The following INSL6 variants were observed in gnomAD, a reference collection of about 807,000 sequenced individuals.
The protein encoded by INSL6 is insulin-like peptide INSL6.
INSL6 carries 16 observed loss-of-function variants against 9.4 expected under a neutral mutation model. The observed-to-expected ratio is 1.70, with a 90% CI of 1.15 to 2.59. The LOEUF is 2.59. INSL6 is among the 30% of genes most tolerant of loss of function. The pLI, the probability that INSL6 is intolerant of heterozygous loss-of-function variation, is 0.00. For synonymous variants in INSL6, 154 were observed against 96.9 expected (o/e 1.59, Z -3.46); for missense variants, 391 against 257.3 (o/e 1.52, Z -3.56).
the INSL6 span, among the ~76,000 whole-genome samples, chr9:5,102,647 T>G: frequency 5.9e-5 from 9 of 152,056 alleles, no homozygotes; most frequent in African/African-American, 2.2e-4. Flanking sequence ...CAGAGAGAAA[T>G]GTCGGGTTGC....
the INSL6 span, chr9:5,055,567 T>C: frequency 1.1e-6 from 1 of 931,476 alleles, no homozygotes; most frequent in Non-Finnish European, 1.6e-6. Flanking sequence ...AATACCTTTT[T>C]TATTTTAAAG....
intron 2 of INSL6, among the ~76,000 whole-genome samples, chr9:5,136,862 T>C (rs1288471204): frequency 6.6e-6 from 1 of 152,148 alleles, no homozygotes; most frequent in Non-Finnish European, 1.5e-5. Flanking sequence ...GATTGTATAT[T>C]TGGAAAACCC....
chr9:5,128,149 T>G (rs1189156539), intron 3 of INSL6: 1 of 232,148 alleles, frequency 4.3e-6, no homozygotes, highest in Non-Finnish European at 8.5e-6. Flanking sequence ...AAATACTTGC[T>G]GTTTTGATTA....
chr9:5,038,869 T>C, the INSL6 span, among the ~76,000 whole-genome samples: 2 of 152,062 alleles, frequency 1.3e-5, no homozygotes, highest in Non-Finnish European at 2.9e-5. Context: ...AATCAATCAA[T>C]GTAATACACC....
chr9:5,007,259 G>C, the INSL6 span, among the ~76,000 whole-genome samples: 1 of 152,006 alleles, frequency 6.6e-6, no homozygotes, highest in Non-Finnish European at 1.5e-5. Context: ...GAATATCTTA[G>C]TATACACTTT....
chr9:5,162,654 G>A (rs561488057), downstream of INSL6, among the ~76,000 whole-genome samples: 3 of 152,258 alleles, frequency 2.0e-5, no homozygotes, highest in Non-Finnish European at 2.9e-5. Flanking sequence ...TACATGGGTA[G>A]CTCCCTATAT....
intron 1 of INSL6, among the ~76,000 whole-genome samples, chr9:5,165,918 T>C (rs1328742986): frequency 1.3e-5 from 2 of 152,212 alleles, no homozygotes; most frequent in African/African-American, 2.4e-5. Flanking sequence ...TTCTGAACCA[T>C]GTGACTCCAC....
At chr9:5,121,851 T>A (rs1823638178), downstream of INSL6, among the ~76,000 whole-genome samples, 1 of 152,138 alleles carries the variant, frequency 6.6e-6, no homozygotes, top group South Asian at 2.1e-4. Context: ...TGCGGGAAAT[T>A]ACAATGAGTG....
At chr9:5,139,550 G>T (rs372531788) in intron 2 of INSL6, among the ~76,000 whole-genome samples, 2 of 152,148 alleles carry the variant, frequency 1.3e-5, no homozygotes, top group East Asian at 3.8e-4. Flanking sequence ...CACATCCCTG[G>T]TTGCTTGAGG....
At chr9:5,161,615 G>A (rs1159002531), downstream of INSL6, among the ~76,000 whole-genome samples, 1 of 152,062 alleles carries the variant, frequency 6.6e-6, no homozygotes, top group Non-Finnish European at 1.5e-5. Context: ...AGAAACAAAG[G>A]ACAACCGAAT....
the INSL6 span, chr9:5,066,803 A>T: frequency 2.5e-6 from 3 of 1,199,802 alleles, no homozygotes; most frequent in Admixed American, 2.3e-5. Flanking sequence ...AGTATGTCAC[A>T]CTTATTAGTG....
intron 2 of INSL6, among the ~76,000 whole-genome samples, chr9:5,154,876 G>A (rs1287381240): frequency 1.3e-5 from 2 of 152,108 alleles, no homozygotes; most frequent in Non-Finnish European, 1.5e-5. Flanking sequence ...CACTGTTGGT[G>A]GGACTGTAAA....
the INSL6 span, chr9:5,044,465 G>A: frequency 2.5e-6 from 4 of 1,613,040 alleles, no homozygotes; most frequent in South Asian, 1.1e-5. Flanking sequence ...GGAATATCTC[G>A]AGGTGCTGAA....
downstream of INSL6, among the ~76,000 whole-genome samples, chr9:5,121,776 T>G (rs183603076): frequency 6.6e-6 from 1 of 152,276 alleles, no homozygotes; most frequent in African/African-American, 2.4e-5. Context: ...ATTTTGTTCT[T>G]TTTAAATTTG....
At chr9:5,035,823 G>A in the INSL6 span, among the ~76,000 whole-genome samples, 5 of 152,152 alleles carry the variant, frequency 3.3e-5, no homozygotes, top group African/African-American at 7.2e-5. Flanking sequence ...ACTGGCACAA[G>A]ACAGGGATGC....
At chr9:5,123,879 A>AT (rs1322985472), downstream of INSL6, among the ~76,000 whole-genome samples, 8 of 147,480 alleles carry the variant, frequency 5.4e-5, no homozygotes, top group Admixed American at 1.3e-4. Flanking sequence ...CACTGGGGTA[A>AT]TTTTTTCTCT....
the INSL6 span, among the ~76,000 whole-genome samples, chr9:5,035,646 C>T: frequency 6.6e-6 from 1 of 151,618 alleles, no homozygotes; most frequent in Admixed American, 6.6e-5. Context: ...ATGATTATCT[C>T]AGAGGCAGAA....
the INSL6 span, chr9:5,110,785 C>A: frequency 5.0e-6 from 2 of 402,552 alleles, no homozygotes; most frequent in Non-Finnish European, 9.6e-6. Flanking sequence ...GGTAAGGGCC[C>A]GGGCCACGCG....
rs770738384 is a variant in INSL6 at position 5,164,261 on chromosome 9, A to G, written c.294T>C (p.Ser98=). ...TGTTTACTGCTTCTTCCCAAGAAGT[A>G]GACACTGTTGAGAGAGAAGAAAATA... The part of the protein sequence containing the change: ...PARGRGTNPV[S]TSWEEAVNSW... Residue 98 remains serine (S), a synonymous_variant, in exon 2 of 2, where the codon TCT becomes TCC. Transcript: ENST00000381641. 2 of 1,594,678 alleles carry G rather than the reference A, an allele frequency of 1.3e-6. No individual in the cohort carries two copies. The highest frequency in any genetic ancestry group is 3.4e-5 in the Admixed American group (2 of 58,904).
Sources: gnomAD v4.1 joint callset for allele counts (sites outside exome capture counted in the v4.1 genomes callset) on GRCh38, gnomAD v4.1.1 for gene constraint, MANE v1.5 for transcripts, NCBI Gene and HGNC (gene_info 2026-07-23, HGNC 2026-07-21) for gene names.